Variants in MOB3B observed in about 807,000 individuals in gnomAD.
MOB3B encodes MOB kinase activator-like 2B.
In MOB3B, 7 loss-of-function variants were observed where a neutral mutation model predicts 18.7. The observed-to-expected ratio is 0.37, with a 90% CI of 0.21 to 0.70. The LOEUF (loss-of-function observed/expected upper bound fraction) is 0.70. MOB3B is among the 30% of genes least tolerant of loss of function. The probability of loss-of-function intolerance (pLI) is 0.52; values close to 1 mark genes in which losing one functional copy is unlikely to be tolerated. For missense variants in MOB3B, 253 were observed against 281.3 expected (o/e 0.90, Z 0.72); for synonymous variants, 111 against 99.9 (o/e 1.11, Z -0.66).
At chr9:27,497,502 C>A (rs1284286865) in intron 1 of MOB3B, among the ~76,000 whole-genome samples, 5 of 151,664 alleles carry the variant, frequency 3.3e-5, no homozygotes. Flanking sequence ...TCACAATTTC[C>A]TAAAAAATAT....
chr9:27,513,041 C>T (rs1820170269), intron 1 of MOB3B, among the ~76,000 whole-genome samples: 1 of 152,122 alleles, frequency 6.6e-6, no homozygotes, highest in Non-Finnish European at 1.5e-5. Flanking sequence ...TATAAGGGAG[C>T]TAACCTAGTT....
intron 1 of MOB3B, among the ~76,000 whole-genome samples, chr9:27,519,562 T>C (rs568340280): frequency 1.3e-4 from 20 of 152,322 alleles, no homozygotes; most frequent in Admixed American, 2.6e-4. Context: ...CCAGTTGTTA[T>C]ACCTTCCCTC....
At chr9:27,502,501 T>C (rs1820005857) in intron 1 of MOB3B, among the ~76,000 whole-genome samples, 1 of 152,184 alleles carries the variant, frequency 6.6e-6, no homozygotes, top group South Asian at 2.1e-4. Flanking sequence ...ATGCATTGGA[T>C]ATAGTGTTTA....
intron 3 of MOB3B, among the ~76,000 whole-genome samples, chr9:27,357,915 A>AAAAAAAAAAAAAAAAAAAAAAAAAAC (rs1821217375): frequency 7.6e-6 from 1 of 131,128 alleles, no homozygotes; most frequent in Non-Finnish European, 1.6e-5. Context: ...AAAAAAAAAA[A>AAAAAAAAAAAAAAAAAAAAAAAAAAC]AAAAAATAGC....
intron 3 of MOB3B, among the ~76,000 whole-genome samples, chr9:27,354,447 G>T (rs940858983): frequency 6.6e-6 from 1 of 152,178 alleles, no homozygotes; most frequent in Admixed American, 6.5e-5. Context: ...TTGAGGCCTC[G>T]TCTTTCTCTG....
intron 2 of MOB3B, among the ~76,000 whole-genome samples, chr9:27,359,617 C>G (rs1323603194): frequency 6.6e-6 from 1 of 152,168 alleles, no homozygotes; most frequent in Non-Finnish European, 1.5e-5. Context: ...TAAAACATCT[C>G]TATAAGTTAC....
At chr9:27,405,093 CTTTTTTTTTTTTTT>C (rs74178386) in intron 2 of MOB3B, among the ~76,000 whole-genome samples, 7 of 48,370 alleles carry the variant, frequency 1.4e-4, no homozygotes, top group East Asian at 6.8e-4. Flanking sequence ...GAACCTTTGT[CTTTTTTTTTTTTTT>C]TTTTTTTTTT....
At chr9:27,399,384 A>T (rs1446954331) in intron 2 of MOB3B, among the ~76,000 whole-genome samples, 2 of 152,238 alleles carry the variant, frequency 1.3e-5, no homozygotes, top group Non-Finnish European at 2.9e-5. Context: ...ACACAAGGGC[A>T]GGTGGAAATG....
chr9:27,398,035 C>T (rs1821826686), intron 2 of MOB3B, among the ~76,000 whole-genome samples: 1 of 152,186 alleles, frequency 6.6e-6, no homozygotes, highest in East Asian at 1.9e-4. Context: ...GATAGAGGAT[C>T]CAAAGATAAA....
At chr9:27,405,373 T>A (rs1171351071) in intron 2 of MOB3B, among the ~76,000 whole-genome samples, 1 of 152,174 alleles carries the variant, frequency 6.6e-6, no homozygotes, top group African/African-American at 2.4e-5. Flanking sequence ...CCCAAAGTGC[T>A]GAGATTACAG....
intron 3 of MOB3B, among the ~76,000 whole-genome samples, chr9:27,334,183 T>C (rs73431169): frequency 0.053 from 8,093 of 152,276 alleles, 719 homozygotes; most frequent in African/African-American, 0.18. Flanking sequence ...GATGTATGGT[T>C]TGATCCAGTT....
At chr9:27,375,345 G>A (rs963735293) in intron 2 of MOB3B, among the ~76,000 whole-genome samples, 3 of 152,208 alleles carry the variant, frequency 2.0e-5, no homozygotes, top group African/African-American at 7.2e-5. Context: ...GAATCCCAGG[G>A]AGCATGAACA....
At chr9:27,362,073 C>A (rs537938397) in intron 2 of MOB3B, among the ~76,000 whole-genome samples, 3 of 152,282 alleles carry the variant, frequency 2.0e-5, no homozygotes, top group Non-Finnish European at 4.4e-5. Flanking sequence ...TGTCTCCAAG[C>A]GGCTCTGTTC....
chr9:27,383,750 A>T (rs1271544188), intron 2 of MOB3B, among the ~76,000 whole-genome samples: 5 of 152,218 alleles, frequency 3.3e-5, no homozygotes, highest in Admixed American at 2.6e-4. Flanking sequence ...TTCAGGTGCT[A>T]GCACACTGCA....
chr9:27,369,587 A>T (rs1213549785), intron 2 of MOB3B, among the ~76,000 whole-genome samples: 1 of 152,230 alleles, frequency 6.6e-6, no homozygotes, highest in Non-Finnish European at 1.5e-5. Context: ...GTGAAATCAA[A>T]GCTATTTAAC....
intron 2 of MOB3B, among the ~76,000 whole-genome samples, chr9:27,420,567 A>G (rs1170203707): frequency 2.6e-5 from 3 of 116,710 alleles, no homozygotes; most frequent in African/African-American, 1.0e-4. Flanking sequence ...ATATATATAT[A>G]TATATATATA....
chr9:27,517,487 A>C (rs1820253648), intron 1 of MOB3B, among the ~76,000 whole-genome samples: 1 of 151,424 alleles, frequency 6.6e-6, no homozygotes, highest in Admixed American at 6.6e-5. Context: ...GTCTCTACTA[A>C]AAATACAAAA....
chr9:27,383,499 G>T (rs992437494), intron 2 of MOB3B, among the ~76,000 whole-genome samples: 1 of 152,164 alleles, frequency 6.6e-6, no homozygotes, highest in Non-Finnish European at 1.5e-5. Flanking sequence ...ATTCATGAAG[G>T]TTACATGAGA....
intron 2 of MOB3B, among the ~76,000 whole-genome samples, chr9:27,365,166 A>AAAAAAAAG (rs1265594392): frequency 2.7e-5 from 4 of 150,600 alleles, no homozygotes; most frequent in African/African-American, 9.8e-5. Flanking sequence ...GGGAGGCAAA[A>AAAAAAAAG]AAAAAAAAAG....
Sources: allele counts gnomAD v4.1 joint callset (sites outside exome capture counted in the v4.1 genomes callset), GRCh38; gene constraint gnomAD v4.1.1; transcripts MANE v1.5; gene names NCBI Gene and HGNC (gene_info 2026-07-23, HGNC 2026-07-21).